Variants in ZZEF1 observed in about 807,000 individuals in gnomAD.
ZZEF1 encodes zinc finger ZZ-type and EF-hand domain-containing protein 1.
In ZZEF1, 157 loss-of-function variants were observed where a neutral mutation model predicts 342.8. That is an observed-to-expected ratio of 0.46 (90% CI 0.40 to 0.52). ZZEF1 has a LOEUF of 0.52. Among genes scored for constraint, ZZEF1 ranks in the 20% least tolerant of loss-of-function variants. ZZEF1 has a pLI of 0.00. For synonymous variants in ZZEF1, 1,505 were observed against 1,429.1 expected, an observed-to-expected ratio of 1.05 and a Z score of -1.20; for missense variants, 3,480 against 3,725.6, an observed-to-expected ratio of 0.93 and a Z score of 1.72.
Position 4,023,733 on chromosome 17 carries a change from G to C in ZZEF1, c.7093-905C>G, listed in dbSNP as rs1257983465. Among the ~76,000 whole-genome samples the C allele has an allele frequency of 2.0e-5, 3 of 151,856 alleles. No individual in the cohort carries two copies. The East Asian group carries it at 5.8e-4, about 29-fold the overall frequency. ...GTTAGTCCCAGCTACTTGGGAGGCT[G>C]AGGCAAGAGGACCCCTTAAACCAAA... is the stretch of plus-strand genomic sequence containing the variant. On this transcript the variant is annotated intron_variant, in intron 43 of 54. Transcript: ENST00000381638.
At chr17:4,095,034 G>A (rs1246986447) in intron 11 of ZZEF1, among the ~76,000 whole-genome samples, 1 of 152,146 alleles carries the variant, frequency 6.6e-6, no homozygotes, top group Non-Finnish European at 1.5e-5. Context: ...TAAGGATACA[G>A]AAACAGAGAC....
At chr17:4,139,373 G>A (rs1285865535) in intron 1 of ZZEF1, among the ~76,000 whole-genome samples, 5 of 152,186 alleles carry the variant, frequency 3.3e-5, no homozygotes, top group East Asian at 1.9e-4. Flanking sequence ...TAAACCATGC[G>A]CACCCGTGGC....
At chr17:4,104,512 A>G (rs2058177924) in intron 8 of ZZEF1, 121 bp downstream of exon 8, 3 of 1,039,532 alleles carry the variant, frequency 2.9e-6, no homozygotes, top group Admixed American at 2.4e-5. Flanking sequence ...TCCAGGAATC[A>G]TGGTGTAACT....
At chr17:4,035,907 C>T (rs1473683747) in intron 39 of ZZEF1, among the ~76,000 whole-genome samples, 1 of 152,078 alleles carries the variant, frequency 6.6e-6, no homozygotes, top group Admixed American at 6.6e-5. Flanking sequence ...CAAGGCCAGC[C>T]TGGCCAACAT....
At chr17:4,132,514 C>T (rs982372307) in intron 1 of ZZEF1, among the ~76,000 whole-genome samples, 1 of 151,962 alleles carries the variant, frequency 6.6e-6, no homozygotes, top group Non-Finnish European at 1.5e-5. Context: ...CTGGCTAACA[C>T]GGTGAAACCC....
At chr17:4,043,857 C>T (rs535347124) in intron 38 of ZZEF1, among the ~76,000 whole-genome samples, 3 of 152,326 alleles carry the variant, frequency 2.0e-5, no homozygotes, top group African/African-American at 7.2e-5. Context: ...CCACTTACAC[C>T]TCATTCCGCC....
chr17:4,017,543 A>G lies in ZZEF1; in HGVS notation c.7829T>C (p.Val2610Ala), dbSNP rs1313478598. Residue 2610 changes from valine to alanine, a missense_variant, in exon 48 of 55, where the codon GTG becomes GCG. By Grantham distance (64) the Val-to-Ala change is moderately conservative. This residue lies in a region of ZZEF1 where 1,269 missense variants were observed against 1,342.4 expected (regional missense o/e 0.95). Coordinates refer to ENST00000381638, the MANE Select transcript of ZZEF1 (RefSeq NM_015113.4). This position sits in a 1 kb window ranked among gnomAD's most constrained non-coding sequence, Gnocchi z 5.1. ...KRAVRDYLFR[V>A]NEATAVLYAR... The stretch of plus-strand genomic sequence containing the variant: ...GTACAGGACAGCTGTGGCCTCGTTC[A>G]CTCGGAAGAGGTAGTCCCGGACAGC... 1 of 1,614,218 alleles carries G rather than the reference A, an allele frequency of 6.2e-7. No individual in the cohort carries two copies. The highest frequency in any genetic ancestry group is 1.1e-5 in the South Asian group (1 of 91,086).
intron 4 of ZZEF1, among the ~76,000 whole-genome samples, chr17:4,113,946 G>C (rs2058354241): frequency 6.6e-6 from 1 of 151,890 alleles, no homozygotes; most frequent in African/African-American, 2.4e-5. Context: ...TCCAGCCTGG[G>C]AGACAAAAAT....
At chr17:4,020,537 A>G (rs1228257732) in intron 45 of ZZEF1, among the ~76,000 whole-genome samples, 2 of 151,118 alleles carry the variant, frequency 1.3e-5, no homozygotes, top group Non-Finnish European at 3.0e-5. Flanking sequence ...GGGTCTTGCT[A>G]AGTTACCCAG....
chr17:4,019,808 A>C (rs567090879), intron 45 of ZZEF1, 39 bp from the exon 46 acceptor site: 1 of 1,503,320 alleles, frequency 6.7e-7, no homozygotes, highest in Admixed American at 2.0e-5. Flanking sequence ...AACCATTAAC[A>C]GTGCTTCAAT....
At chr17:4,072,822 G>T in intron 24 of ZZEF1, 66 bp from the exon 25 acceptor site, 1 of 1,465,592 alleles carries the variant, frequency 6.8e-7, no homozygotes, top group Non-Finnish European at 9.2e-7. Flanking sequence ...TCTTTGAAAT[G>T]AGAAAGAAAA....
intron 21 of ZZEF1, chr17:4,075,975 G>A (rs951151957): frequency 2.3e-5 from 3 of 131,406 alleles, no homozygotes; most frequent in African/African-American, 7.9e-5. Flanking sequence ...GTATAATTAA[G>A]TAAGGGAGAA....
intron 23 of ZZEF1, 35 bp from the exon 24 acceptor site, chr17:4,074,386 T>C (rs2057568216): frequency 1.9e-6 from 3 of 1,607,364 alleles, no homozygotes; most frequent in Non-Finnish European, 2.6e-6. Context: ...GTCAGACAGA[T>C]TAGAGGAGGA....
At chr17:4,012,305 CCT>C (rs1187640993) in intron 52 of ZZEF1, among the ~76,000 whole-genome samples, 2 of 152,190 alleles carry the variant, frequency 1.3e-5, no homozygotes, top group Non-Finnish European at 2.9e-5. Flanking sequence ...CCAGCTCTCC[CCT>C]CTCTCTCCAC....
chr17:4,115,454 G>A (rs2058379398), intron 3 of ZZEF1, among the ~76,000 whole-genome samples: 1 of 152,176 alleles, frequency 6.6e-6, no homozygotes, highest in Non-Finnish European at 1.5e-5. Flanking sequence ...CTTGAGGTCA[G>A]GAGGTCGAGA....
In ZZEF1 at chr17:4,087,512, A is replaced by C; in HGVS notation, c.2264T>G (p.Leu755Ter). The C allele has an allele frequency of 6.2e-7, 1 of 1,609,884 alleles. No individual in the cohort carries two copies. The highest frequency in any genetic ancestry group is 8.5e-7 in the Non-Finnish European group (1 of 1,178,966). The change falls in exon 14 of 55, where the codon TTA (leucine) becomes TGA (stop). Residue 755 changes from leucine (L) to a stop codon, truncating the protein, a stop_gained. Coordinates refer to ENST00000381638, the MANE Select transcript of ZZEF1 (RefSeq NM_015113.4). LOFTEE classifies it high-confidence loss of function. Reference sequence around the variant, plus strand: ...GAAGTCCAGAAAAGATTTATATTTTAAGCCACTTTCCTTCTGCTGCACCTA... The same window carrying C: ...GAAGTCCAGAAAAGATTTATATTTTCAGCCACTTTCCTTCTGCTGCACCTA... ...HDLVQQKESGLKYKSFLDFAG... is the reference protein window; with the variant it reads ...HDLVQQKESG
chr17:4,090,935 T>C (rs1011129354), intron 11 of ZZEF1, 105 bp from the exon 12 acceptor site: 7 of 820,834 alleles, frequency 8.5e-6, no homozygotes, highest in East Asian at 2.6e-5. Context: ...CTGTAGCCTG[T>C]CAGTGAACAA....
In ZZEF1 at chr17:4,088,827, T is replaced by C; in HGVS notation, c.2092A>G (p.Thr698Ala). The change falls in exon 13 of 55, where the codon ACC becomes GCC. Residue 698 changes from threonine (T) to alanine (A), a missense_variant. Coordinates refer to ENST00000381638, the MANE Select transcript of ZZEF1 (RefSeq NM_015113.4). The stretch of plus-strand genomic sequence containing the variant: ...GCAGGCCGGAGGTACCCACTGATGG[T>C]CAAGCCTTGCACTCCCAAGCGCTCT... ...SAERLGVQGL[T>A]ISGYLRPARA... 1 of 1,614,112 alleles carries C rather than the reference T, an allele frequency of 6.2e-7. No homozygotes were observed. The highest frequency in any genetic ancestry group is 1.3e-5 in the African/African-American group (1 of 75,010).
intron 5 of ZZEF1, among the ~76,000 whole-genome samples, chr17:4,110,992 T>C (rs4790560): frequency 0.95 from 144,313 of 152,306 alleles, 68,888 homozygotes; most frequent in East Asian, 1. Context: ...GGATTGGAGG[T>C]GTGAGCCACT....
Sources: allele counts gnomAD v4.1 joint callset (sites outside exome capture counted in the v4.1 genomes callset), GRCh38; gene constraint gnomAD v4.1.1; regional missense constraint gnomAD v4.1.1; non-coding constraint Gnocchi (gnomAD v3.1); transcripts MANE v1.5; gene names NCBI Gene and HGNC (gene_info 2026-07-23, HGNC 2026-07-21).